LBHD1: variants seen among roughly 807,000 people sequenced by gnomAD.
LBHD1 encodes LBH domain containing 1.
A neutral mutation model predicts 31.1 loss-of-function variants in LBHD1; 28 were observed. The ratio of observed to expected loss-of-function variants is 0.90; its 90% confidence interval spans 0.67 to 1.24. LBHD1 has a LOEUF of 1.24. LBHD1 is among the 50% of genes most tolerant of loss of function. The pLI is 0.00. For missense variants in LBHD1, 350 were observed against 323.0 expected (o/e 1.08, Z -0.64); for synonymous variants, 105 against 116.5 (o/e 0.90, Z 0.63).
At chr11:62,668,842 A>G (rs941853657) in intron 3 of LBHD1, among the ~76,000 whole-genome samples, 41 of 151,946 alleles carry the variant, frequency 2.7e-4, no homozygotes, top group Non-Finnish European at 5.7e-4. Context: ...AAACAAAAAA[A>G]CAGTACACAG....
chr11:62,666,370 G>A, intron 4 of LBHD1: 1 of 1,603,416 alleles, frequency 6.2e-7, no homozygotes, highest in Non-Finnish European at 8.5e-7. Context: ...CATAGACCAA[G>A]TGACACCCTC....
intron 4 of LBHD1, chr11:62,665,345 T>A: frequency 1.2e-6 from 1 of 805,712 alleles, no homozygotes; most frequent in Non-Finnish European, 2.0e-6. Context: ...AAGTGTGGTT[T>A]TAGCTGTAGT....
chr11:62,670,282 C>A (rs1395752417), intron 1 of LBHD1: 1 of 492,514 alleles, frequency 2.0e-6, no homozygotes, highest in Non-Finnish European at 3.5e-6. Context: ...GATTAAAGCC[C>A]TGTGGGCCAA....
chr11:62,666,804 T>TTTGTCC (rs1565127957), intron 4 of LBHD1: 3 of 1,614,098 alleles, frequency 1.9e-6, no homozygotes. Context: ...TCTTTCCAAC[T>TTTGTCC]ACTGCTGGAC....
chr11:62,669,577 C>G, intron 3 of LBHD1, 64 bp downstream of exon 3: 1 of 1,554,088 alleles, frequency 6.4e-7, no homozygotes, highest in Non-Finnish European at 8.7e-7. Context: ...TAACTGACTT[C>G]CATCTTGGCT....
intron 4 of LBHD1, chr11:62,666,067 G>C: frequency 1.7e-6 from 2 of 1,170,380 alleles, no homozygotes; most frequent in Non-Finnish European, 2.4e-6. Context: ...CCTACGGTGG[G>C]CCGTGCGTGG....
chr11:62,667,597 T>C lies in LBHD1; in HGVS notation c.464A>G (p.Asp155Gly). Residue 155 changes from aspartate (D) to glycine (G), a missense_variant, in exon 4 of 7, where the codon GAC becomes GGC. Transcript: ENST00000354588. ...TCTACAAACACGGGAGCCTGTTGAG[T>C]CCCAGAAGGGACAGTGGTTGGTGGC... ...LEATNHCPFWDSTGSRVCRSG... is the reference protein window; with the variant it reads ...LEATNHCPFWGSTGSRVCRSG... 6.2e-7 allele frequency: 1 copy of C among 1,613,962 alleles called. No individual in the cohort carries two copies. Among genetic ancestry groups the C allele is most frequent in the South Asian group, 1.1e-5 (1 of 91,076 alleles).
chr11:62,665,347 A>G (rs528810249), intron 4 of LBHD1: 7 of 808,544 alleles, frequency 8.7e-6, no homozygotes, highest in East Asian at 2.6e-5. Flanking sequence ...GTGTGGTTTT[A>G]GCTGTAGTAG....
In LBHD1 at chr11:62,667,705, G is replaced by C; in HGVS notation, c.356C>G (p.Thr119Arg). 6.2e-7 allele frequency: 1 copy of C among 1,613,934 alleles called. No individual in the cohort carries two copies. Reference protein sequence around the residue: ...SPQDPRSPLRTFNAGLSWGQD... With the variant: ...SPQDPRSPLRRFNAGLSWGQD... The stretch of plus-strand genomic sequence containing the variant: ...CCCCCAGCTGAGTCCAGCGTTAAAT[G>C]TTCTTAAAGGACTTCTAGGGTCCTG... Residue 119 changes from threonine (T) to arginine (R), a missense_variant, in exon 4 of 7, where the codon ACA becomes AGA. Coordinates refer to ENST00000354588, the MANE Select transcript of LBHD1 (RefSeq NM_024099.5).
chr11:62,671,491 T>A, intron 1 of LBHD1, 73 bp downstream of exon 1: 1 of 1,369,800 alleles, frequency 7.3e-7, no homozygotes. Context: ...ACCCCGGAAT[T>A]GAGGACACAG....
chr11:62,671,659 C>G lies in LBHD1; in HGVS notation c.-106G>C. 6.4e-7 allele frequency: 1 copy of G among 1,572,026 alleles called. No individual in the cohort carries two copies. Among genetic ancestry groups the G allele is most frequent in the Non-Finnish European group, 8.6e-7 (1 of 1,161,138 alleles). On this transcript the variant is annotated 5_prime_UTR_variant, in exon 1 of 7. Coordinates refer to ENST00000354588, the MANE Select transcript of LBHD1 (RefSeq NM_024099.5). ...GGTTTCTGCTATAGGGCGCTCTAGC[C>G]TGCGCCAAGGGGTAGTGAGACCGCG...
chr11:62,665,536 A>C (rs1590847680), intron 4 of LBHD1: 1 of 1,567,184 alleles, frequency 6.4e-7, no homozygotes, highest in Non-Finnish European at 8.6e-7. Flanking sequence ...GCGGCTTCCC[A>C]TCCGCTGGTT....
chr11:62,669,941 G>A lies in LBHD1; in HGVS notation c.91C>T (p.Pro31Ser), dbSNP rs143582689. 17 of 1,614,044 alleles carry A rather than the reference G, an allele frequency of 1.1e-5. No individual in the cohort carries two copies. In the African/African-American group the frequency reaches 2.0e-4, roughly 19 times the overall value. The change falls in exon 2 of 7, where the codon CCC becomes TCC. Residue 31 changes from proline (P) to serine (S), a missense_variant. Pro to Ser is a moderately conservative substitution (Grantham distance 74). Coordinates refer to ENST00000354588, the MANE Select transcript of LBHD1 (RefSeq NM_024099.5). The part of the protein sequence containing the change: ...SSQHPESPRL[P>S]NPLWDRGKIG... ...TTTCCTCTGTCCCAGAGAGGGTTGG[G>A]CAGCCTGGGACTTTCTGGATGCTGG...
In LBHD1 at chr11:62,665,868, C is replaced by T. The variant is rs760725613; in HGVS notation, c.539-895G>A. The T allele has an allele frequency of 6.2e-6, 10 of 1,612,590 alleles. No individual in the cohort carries two copies. In the Admixed American group the frequency reaches 1.5e-4, roughly 24 times the overall value. On this transcript the variant is annotated intron_variant, in intron 4 of 6. Transcript: ENST00000354588. Reference sequence around the variant, plus strand: ...CATAAGCTTCTCTGGTCGAACTTACCCGAATCTCCAGATGGCCGCGCTGCG... The same window carrying T: ...CATAAGCTTCTCTGGTCGAACTTACTCGAATCTCCAGATGGCCGCGCTGCG...
At chr11:62,666,613 C>T (rs771424123) in intron 4 of LBHD1, 2 of 1,614,176 alleles carry the variant, frequency 1.2e-6, no homozygotes, top group Non-Finnish European at 1.7e-6. Flanking sequence ...GCCTCTACAC[C>T]AAATCTCCAC....
Position 62,667,202 on chromosome 11 carries a change from C to T in LBHD1, c.538+321G>A, listed in dbSNP as rs1944843951. ...TGCCATATTGCTGAATGTTTCTGTTCCCCAGTTTACTCATCTGCAGAGTGA... is the reference window on the plus strand; with the variant it reads ...TGCCATATTGCTGAATGTTTCTGTTTCCCAGTTTACTCATCTGCAGAGTGA... On this transcript the variant is annotated intron_variant, in intron 4 of 6. Coordinates refer to ENST00000354588, the MANE Select transcript of LBHD1 (RefSeq NM_024099.5). 5.2e-6 allele frequency: 4 copies of T among 775,904 alleles called. No homozygotes were observed. The East Asian group carries it at 1.0e-4, about 20-fold the overall frequency. 48.1% of individuals were successfully genotyped at this position (775,904 alleles called of 1,614,324 possible). A position where few individuals can be genotyped will look rare whatever the true frequency, so the allele number is the denominator to read the frequency against.
At chr11:62,669,229 A>G (rs915501533) in intron 3 of LBHD1, among the ~76,000 whole-genome samples, 2 of 151,912 alleles carry the variant, frequency 1.3e-5, no homozygotes, top group African/African-American at 4.8e-5. Context: ...CTTAATCTGT[A>G]CTTTCAAAAT....
Position 62,663,134 on chromosome 11 carries a change from C to A in LBHD1, c.787G>T (p.Asp263Tyr). Residue 263 changes from aspartate (D) to tyrosine (Y), a missense_variant, in exon 7 of 7, where the codon GAC (aspartate) becomes TAC (tyrosine). Physicochemically the swap from Asp to Tyr is radical, Grantham distance 160 (BLOSUM62 -3). Transcript: ENST00000354588. Reference protein sequence around the residue: ...GSGSPFKASQD With the variant: ...GSGSPFKASQY Reference sequence around the variant, plus strand: ...GCCTTTTGAGCTGTGGTTCACTAGTCCTGGCTGGCTTTGAAGGGGCTTCCA... The same window carrying A: ...GCCTTTTGAGCTGTGGTTCACTAGTACTGGCTGGCTTTGAAGGGGCTTCCA... 6.2e-7 allele frequency: 1 copy of A among 1,614,110 alleles called. No individual in the cohort carries two copies. The highest frequency in any genetic ancestry group is 8.5e-7 in the Non-Finnish European group (1 of 1,179,996).
At chr11:62,665,456 C>T in intron 4 of LBHD1, 1 of 1,567,356 alleles carries the variant, frequency 6.4e-7, no homozygotes, top group Non-Finnish European at 8.6e-7. Context: ...GCTTGTGGTG[C>T]CGCTCCCCGT....
Sources: allele counts gnomAD v4.1 joint callset (sites outside exome capture counted in the v4.1 genomes callset), GRCh38; gene constraint gnomAD v4.1.1; transcripts MANE v1.5; gene names NCBI Gene and HGNC (gene_info 2026-07-23, HGNC 2026-07-21).